The following LRPPRC variants were observed in gnomAD, a reference collection of about 807,000 sequenced individuals.
The protein encoded by LRPPRC is leucine-rich PPR motif-containing protein, mitochondrial.
In LRPPRC, 120 loss-of-function variants were observed where a neutral mutation model predicts 180.3. That is an observed-to-expected ratio of 0.67 (90% CI 0.57 to 0.77). The LOEUF is 0.77. LRPPRC is among the 30% of genes least tolerant of loss of function. The pLI is 0.00. For synonymous variants in LRPPRC, 723 were observed against 600.0 expected, an observed-to-expected ratio of 1.21 and a Z score of -3.00; for missense variants, 2,012 against 1,657.2, an observed-to-expected ratio of 1.21 and a Z score of -3.72.
intron 30 of LRPPRC, among the ~76,000 whole-genome samples, chr2:43,907,963 G>C (rs984139701): frequency 6.6e-5 from 10 of 152,082 alleles, no homozygotes; most frequent in African/African-American, 2.4e-4. Context: ...AAAAATATAG[G>C]CATGAGAAGT....
intron 31 of LRPPRC, chr2:43,904,701 CAAAAACAAAAAAA>C (rs983809471): frequency 4.3e-5 from 5 of 116,026 alleles, no homozygotes; most frequent in Non-Finnish European, 9.4e-5. Context: ...TCAAAAAAAA[CAAAAACAAAAAAA>C]AAAAACAAAA....
At chr2:43,946,692 G>C (rs2105083739) in intron 20 of LRPPRC, among the ~76,000 whole-genome samples, 1 of 152,100 alleles carries the variant, frequency 6.6e-6, no homozygotes, top group African/African-American at 2.4e-5. Flanking sequence ...CATAAAGTTA[G>C]TCATGATATT....
At chr2:43,963,397 T>C (rs1018331458) in intron 12 of LRPPRC, 191 bp downstream of exon 12, 9 of 631,314 alleles carry the variant, frequency 1.4e-5, no homozygotes, top group African/African-American at 9.2e-5. Context: ...TGAGCCAAGA[T>C]TGTGCCATTG....
At chr2:43,963,020 T>C (rs1184973517) in intron 12 of LRPPRC, among the ~76,000 whole-genome samples, 2 of 152,218 alleles carry the variant, frequency 1.3e-5, no homozygotes, top group Non-Finnish European at 2.9e-5. Flanking sequence ...GTTAATATTG[T>C]TTTAATTTTT....
chr2:43,954,723 C>T (rs1673039087), intron 14 of LRPPRC, among the ~76,000 whole-genome samples: 1 of 151,930 alleles, frequency 6.6e-6, no homozygotes, highest in African/African-American at 2.4e-5. Context: ...TGTAATGTAC[C>T]ACTTTGTTTT....
chr2:43,979,906 C>G lies in LRPPRC; in HGVS notation c.389G>C (p.Cys130Ser). 6.2e-7 allele frequency: 1 copy of G among 1,613,844 alleles called. No individual in the cohort carries two copies. Among genetic ancestry groups the G allele is most frequent in the Non-Finnish European group, 8.5e-7 (1 of 1,179,814 alleles). Reference protein sequence around the residue: ...GSHALLLLRSCGSLLPELKLE... With the variant: ...GSHALLLLRSSGSLLPELKLE... ...CTTTAGTTCAGGCAAGAGAGAACCA[C>G]AACTACGTAGTAGAAGCAAGGCATG... The change falls in exon 3 of 38, where the codon TGT (cysteine) becomes TCT (serine). Residue 130 changes from cysteine to serine, a missense_variant. By Grantham distance (112) the Cys-to-Ser change is moderately radical (BLOSUM62 -1). Transcript: ENST00000260665.
At chr2:43,934,642 A>G (rs1332770331) in intron 24 of LRPPRC, 112 bp downstream of exon 24, 1 of 867,106 alleles carries the variant, frequency 1.2e-6, no homozygotes, top group Non-Finnish European at 1.8e-6. Flanking sequence ...AAGTATAAAG[A>G]AAGTTTATCT....
intron 13 of LRPPRC, chr2:43,959,160 C>T (rs1346379737): frequency 1.4e-6 from 1 of 713,152 alleles, no homozygotes; most frequent in African/African-American, 1.8e-5. Flanking sequence ...ATGGATCCAC[C>T]TCGTGAGCCC....
At chr2:43,925,045 G>A (rs771724728) in intron 27 of LRPPRC, 22 bp downstream of exon 27, 14 of 1,286,226 alleles carry the variant, frequency 1.1e-5, no homozygotes, top group Non-Finnish European at 1.5e-5. Context: ...ATGAAAGCGT[G>A]AAGAATAGTT....
intron 6 of LRPPRC, among the ~76,000 whole-genome samples, 182 bp from the exon 7 acceptor site, chr2:43,975,399 ATC>A (rs1281190274): frequency 6.6e-6 from 1 of 152,220 alleles, no homozygotes; most frequent in Non-Finnish European, 1.5e-5. Flanking sequence ...GATCATAAAC[ATC>A]TGATCCCCCA....
chr2:43,950,562 G>C lies in LRPPRC; in HGVS notation c.1677+11C>G, dbSNP rs58811869. 0.14 allele frequency: 223,255 copies of C among 1,608,640 alleles called. 18,414 individuals are homozygous for C. Among genetic ancestry groups the C allele is most frequent in the African/African-American group, 0.33 (25,027 of 74,732 alleles). On this transcript the variant is annotated intron_variant, in intron 15 of 37. Coordinates refer to ENST00000260665, the MANE Select transcript of LRPPRC (RefSeq NM_133259.4). ...AAGCACCTTATGATTTGCAATATTA[G>C]AGGGACTTACCTCGCTCCAAAGATT...
intron 30 of LRPPRC, among the ~76,000 whole-genome samples, chr2:43,911,530 T>C (rs1169560110): frequency 7.0e-6 from 1 of 143,112 alleles, no homozygotes; most frequent in East Asian, 2.0e-4. Flanking sequence ...CTTCTTTTTT[T>C]TTTTTTTTTT....
At position 43,974,867 on chromosome 2, in the gene LRPPRC, A is replaced by C. The variant is rs1016142693; in HGVS notation, c.865-109T>G. ...AAAACTAGGGAAAAATACCACCTAAAGGTTTACGACTTCTTTTAAAAAACA... is the reference window on the plus strand; with the variant it reads ...AAAACTAGGGAAAAATACCACCTAACGGTTTACGACTTCTTTTAAAAAACA... On this transcript the variant is annotated intron_variant, in intron 7 of 37. Coordinates refer to ENST00000260665, the MANE Select transcript of LRPPRC (RefSeq NM_133259.4). The C allele has an allele frequency of 6.0e-6, 7 of 1,165,114 alleles. No homozygotes were observed. In the African/African-American group the frequency reaches 7.7e-5, roughly 13 times the overall value. The allele number at this position is 1,165,114 out of a possible 1,614,324, so 72.2% of individuals were successfully genotyped here. A position where few individuals can be genotyped will look rare whatever the true frequency, so the allele number is the denominator to read the frequency against.
chr2:43,991,726 T>G (rs946398059), intron 1 of LRPPRC, among the ~76,000 whole-genome samples: 3 of 152,174 alleles, frequency 2.0e-5, no homozygotes, highest in African/African-American at 7.2e-5. Context: ...CAAGACCACA[T>G]ATTACAAAGT....
chr2:43,977,722 C>T (rs1258742152), intron 3 of LRPPRC, among the ~76,000 whole-genome samples: 4 of 152,096 alleles, frequency 2.6e-5, no homozygotes, highest in Admixed American at 6.6e-5. Flanking sequence ...TTTAAGGATG[C>T]ATTCCATTTT....
intron 21 of LRPPRC, 98 bp from the exon 22 acceptor site, chr2:43,945,515 G>C (rs1194027316): frequency 2.6e-6 from 2 of 759,834 alleles, no homozygotes; most frequent in Non-Finnish European, 4.7e-6. Context: ...CTCATCAGAA[G>C]ACCTGAACTA....
At chr2:43,909,565 T>C (rs1671183545) in intron 30 of LRPPRC, among the ~76,000 whole-genome samples, 1 of 151,542 alleles carries the variant, frequency 6.6e-6, no homozygotes, top group African/African-American at 2.4e-5. Flanking sequence ...TGAAAATTGC[T>C]AAGAGGATAG....
At chr2:43,959,590 A>G (rs1245447196) in intron 13 of LRPPRC, among the ~76,000 whole-genome samples, 1 of 152,214 alleles carries the variant, frequency 6.6e-6, no homozygotes, top group East Asian at 1.9e-4. Flanking sequence ...GTCTCTTAAG[A>G]ACGTCTTATT....
At chr2:43,916,864 A>G (rs115198762) in intron 29 of LRPPRC, among the ~76,000 whole-genome samples, 1 of 150,886 alleles carries the variant, frequency 6.6e-6, no homozygotes, top group South Asian at 2.1e-4. Context: ...ATAACTGCTT[A>G]AGCCCACGAG....
Sources: allele counts gnomAD v4.1 joint callset (sites outside exome capture counted in the v4.1 genomes callset), GRCh38; gene constraint gnomAD v4.1.1; transcripts MANE v1.5; gene names NCBI Gene and HGNC (gene_info 2026-07-23, HGNC 2026-07-21).